ZNF618: variants seen among roughly 807,000 people sequenced by gnomAD.
The protein encoded by ZNF618 is neural precursor cell expressed, developmentally down-regulated 10.
Under a neutral mutation model 103.0 loss-of-function variants are expected in ZNF618, and 34 were observed. The ratio of observed to expected loss-of-function variants is 0.33; its 90% CI spans 0.25 to 0.44. The LOEUF (loss-of-function observed/expected upper bound fraction) is 0.44. ZNF618 is among the 20% of genes least tolerant of loss of function. The pLI is 1.00. For synonymous variants in ZNF618, 551 were observed against 542.2 expected (o/e 1.02, Z -0.23); for missense variants, 1,059 against 1,295.4 (o/e 0.82, Z 2.80).
intron 4 of ZNF618, among the ~76,000 whole-genome samples, chr9:113,999,663 T>A (rs1447199042): frequency 2.6e-5 from 4 of 152,224 alleles, no homozygotes; most frequent in South Asian, 2.1e-4. Context: ...CAGTATCTAC[T>A]CCACTGACTT....
At chr9:114,017,178 G>A (rs2133960388) in intron 10 of ZNF618, among the ~76,000 whole-genome samples, 1 of 152,288 alleles carries the variant, frequency 6.6e-6, no homozygotes, top group African/African-American at 2.4e-5. Flanking sequence ...ACAGATGCAT[G>A]AAGGAGCCCG....
intron 1 of ZNF618, among the ~76,000 whole-genome samples, chr9:113,908,759 G>A (rs7026575): frequency 2.0e-5 from 3 of 151,834 alleles, no homozygotes; most frequent in African/African-American, 7.3e-5. Context: ...TGGGGAGTGA[G>A]GATCACAGAA....
chr9:113,908,041 C>A (rs1262953510), intron 1 of ZNF618, among the ~76,000 whole-genome samples: 2 of 152,060 alleles, frequency 1.3e-5, no homozygotes, highest in Non-Finnish European at 2.9e-5. Context: ...AAGGATGACG[C>A]ACAGTGTGCC....
At chr9:113,896,176 C>A (rs1830025660) in intron 1 of ZNF618, among the ~76,000 whole-genome samples, 1 of 151,906 alleles carries the variant, frequency 6.6e-6, no homozygotes, top group African/African-American at 2.4e-5. Flanking sequence ...CTAACTACTT[C>A]CAAGTTATTA....
At chr9:113,989,726 A>G (rs1275155417) in intron 3 of ZNF618, among the ~76,000 whole-genome samples, 1 of 152,232 alleles carries the variant, frequency 6.6e-6, no homozygotes, top group Non-Finnish European at 1.5e-5. Flanking sequence ...CGTTTCTGCA[A>G]GTTTAGACTC....
intron 1 of ZNF618, among the ~76,000 whole-genome samples, chr9:113,901,429 G>A (rs1449796168): frequency 6.6e-6 from 1 of 152,220 alleles, no homozygotes; most frequent in African/African-American, 2.4e-5. Flanking sequence ...TTGCGGCTGA[G>A]CTAGCATCTG....
intron 12 of ZNF618, among the ~76,000 whole-genome samples, chr9:114,036,057 A>G (rs1844568895): frequency 6.6e-6 from 1 of 152,144 alleles, no homozygotes; most frequent in Non-Finnish European, 1.5e-5. Flanking sequence ...TAAGCACTCA[A>G]TAAATAGCTG....
chr9:114,005,174 T>TA (rs1484958951), intron 6 of ZNF618, among the ~76,000 whole-genome samples: 2 of 152,150 alleles, frequency 1.3e-5, no homozygotes, highest in African/African-American at 4.8e-5. Context: ...CTGCCGCACT[T>TA]ATACCTGGTA....
chr9:113,909,480 C>T (rs1469533098), intron 1 of ZNF618, among the ~76,000 whole-genome samples: 1 of 152,156 alleles, frequency 6.6e-6, no homozygotes, highest in Non-Finnish European at 1.5e-5. Flanking sequence ...TTTAGGGAAA[C>T]TTGGGTCTGT....
intron 1 of ZNF618, among the ~76,000 whole-genome samples, chr9:113,885,464 C>CT (rs1387597466): frequency 2.0e-5 from 3 of 152,226 alleles, no homozygotes; most frequent in Non-Finnish European, 4.4e-5. Flanking sequence ...GAGTCACAGA[C>CT]TAAGGGCCAC....
At chr9:113,951,444 T>TACAC (rs1835646206) in intron 1 of ZNF618, among the ~76,000 whole-genome samples, 1 of 2,084 alleles carries the variant, frequency 4.8e-4, no homozygotes, top group African/African-American at 7.2e-4. Flanking sequence ...TATATATACA[T>TACAC]ATATGTGTAT....
chr9:113,944,401 C>T (rs1471703460), intron 1 of ZNF618, among the ~76,000 whole-genome samples: 3 of 152,164 alleles, frequency 2.0e-5, no homozygotes, highest in South Asian at 2.1e-4. Context: ...CTCAGCCTCC[C>T]GAGTAGCTGG....
intron 13 of ZNF618, among the ~76,000 whole-genome samples, chr9:114,037,481 C>T (rs973757675): frequency 6.6e-6 from 1 of 152,182 alleles, no homozygotes; most frequent in Non-Finnish European, 1.5e-5. Context: ...GGCCACTCTG[C>T]AAAGGGAAAC....
intron 11 of ZNF618, among the ~76,000 whole-genome samples, chr9:114,031,853 T>G (rs1416025126): frequency 6.6e-6 from 1 of 152,036 alleles, no homozygotes; most frequent in Non-Finnish European, 1.5e-5. Context: ...CTAGAGCACC[T>G]TGGAAAAGCT....
chr9:113,966,877 C>T (rs768159795), intron 1 of ZNF618, among the ~76,000 whole-genome samples: 2 of 152,180 alleles, frequency 1.3e-5, no homozygotes, highest in Non-Finnish European at 2.9e-5. Context: ...ATTTTTAGCA[C>T]TTTCTCTTTG....
chr9:113,966,696 T>C (rs1421923328), intron 1 of ZNF618, among the ~76,000 whole-genome samples: 1 of 152,186 alleles, frequency 6.6e-6, no homozygotes, highest in African/African-American at 2.4e-5. Flanking sequence ...CACATGTGTC[T>C]TGGACATCTC....
chr9:113,955,146 CTTT>C (rs3034066), intron 1 of ZNF618, among the ~76,000 whole-genome samples: 34 of 130,520 alleles, frequency 2.6e-4, no homozygotes, highest in African/African-American at 4.5e-4. Flanking sequence ...AGTGACTTCT[CTTT>C]TTTTTTTTTT....
intron 3 of ZNF618, among the ~76,000 whole-genome samples, chr9:113,995,011 A>G (rs1273328331): frequency 6.6e-6 from 1 of 152,146 alleles, no homozygotes; most frequent in Non-Finnish European, 1.5e-5. Context: ...AAACACTACC[A>G]CTATTTGATA....
chr9:113,948,165 C>T (rs933225486), intron 1 of ZNF618, among the ~76,000 whole-genome samples: 2 of 152,080 alleles, frequency 1.3e-5, no homozygotes, highest in African/African-American at 2.4e-5. Flanking sequence ...ATAAATGGAG[C>T]GGTGGAATTT....
Sources: allele counts gnomAD v4.1 joint callset (sites outside exome capture counted in the v4.1 genomes callset), GRCh38; gene constraint gnomAD v4.1.1; transcripts MANE v1.5; gene names NCBI Gene and HGNC (gene_info 2026-07-23, HGNC 2026-07-21).